Variants in TBC1D24 observed in about 807,000 individuals in gnomAD.
TBC1D24 encodes the protein TBC1 domain family member 24.
TBC1D24 carries 47 observed loss-of-function variants against 50.7 expected under a neutral mutation model. The ratio of observed to expected loss-of-function variants is 0.93; its 90% CI spans 0.73 to 1.18. The LOEUF is 1.18. TBC1D24 is among the 50% of genes most tolerant of loss of function. The pLI is 0.00. For synonymous variants in TBC1D24, 324 were observed against 335.2 expected (o/e 0.97, Z 0.36); for missense variants, 688 against 766.5 (o/e 0.90, Z 1.21).
Position 2,496,962 on chromosome 16 carries a change from T to C in TBC1D24, c.814T>C (p.Phe272Leu). Residue 272 changes from phenylalanine (F) to leucine (L), a missense_variant, in exon 2 of 8, where the codon TTC becomes CTC. Phe to Leu is a conservative substitution (Grantham distance 22). Coordinates refer to ENST00000646147, the MANE Select transcript of TBC1D24 (RefSeq NM_001199107.2). ...CAGCGTGAAGCAGGACATCCGCACG[T>C]TCGTCAGAGACATCGCGAAGACGGT... ...SDSVKQDIRTFVRDIAKTVSP... is the reference protein window; with the variant it reads ...SDSVKQDIRTLVRDIAKTVSP... 2 of 1,614,016 alleles carry C rather than the reference T, an allele frequency of 1.2e-6. No individual in the cohort carries two copies. Among genetic ancestry groups the C allele is most frequent in the Non-Finnish European group, 1.7e-6 (2 of 1,180,040 alleles).
intron 1 of TBC1D24, chr16:2,484,578 AG>A (rs1184062164): frequency 6.6e-6 from 1 of 152,240 alleles, no homozygotes; most frequent in Non-Finnish European, 1.5e-5. Context: ...TTTCTCTCTC[AG>A]CTCTTCCTAG....
intron 1 of TBC1D24, chr16:2,493,456 T>C (rs1347133137): frequency 6.6e-6 from 1 of 152,228 alleles, no homozygotes; most frequent in Non-Finnish European, 1.5e-5. Context: ...GTAAATTTTA[T>C]GCTATGTGTA....
chr16:2,488,319 G>A (rs2065667224), intron 1 of TBC1D24, among the ~76,000 whole-genome samples: 1 of 152,082 alleles, frequency 6.6e-6, no homozygotes, highest in Non-Finnish European at 1.5e-5. Context: ...GGGCTGTGGC[G>A]GGGTGGGGGT....
Position 2,501,002 on chromosome 16 carries a change from G to A in TBC1D24, c.*44G>A, listed in dbSNP as rs370263617. Reference sequence around the variant, plus strand: ...CTGAGCCGTGGTGGGGCGGTGGGCCGAGGCTGGGCTGCCGCCTCGGGCAGC... The same window carrying A: ...CTGAGCCGTGGTGGGGCGGTGGGCCAAGGCTGGGCTGCCGCCTCGGGCAGC... On this transcript the variant is annotated 3_prime_UTR_variant, in exon 8 of 8. Transcript: ENST00000646147. 7.8e-5 allele frequency: 125 copies of A among 1,602,114 alleles called. 1 individual carries two copies. Among genetic ancestry groups the A allele is most frequent in the South Asian group, 1.8e-4 (16 of 90,944 alleles).
At position 2,501,063 on chromosome 16, in the gene TBC1D24, T is replaced by A. The variant is rs1045978559; in HGVS notation, c.*105T>A. On this transcript the variant is annotated 3_prime_UTR_variant, in exon 8 of 8. Transcript: ENST00000646147. ...TGAAACCCCCATGTGGTAGGCAGGG[T>A]TGGGGGACGGCAGGACCCCATGGCC... 9 of 1,471,596 alleles carry A rather than the reference T, an allele frequency of 6.1e-6. No homozygotes were observed. In the Admixed American group the frequency reaches 1.6e-4, roughly 25 times the overall value. The allele number at this position is 1,471,596 out of a possible 1,614,324, so 91.2% of individuals were successfully genotyped here.
At chr16:2,477,129 G>A (rs2065575179) in intron 1 of TBC1D24, 1 of 152,254 alleles carries the variant, frequency 6.6e-6, no homozygotes, top group African/African-American at 2.4e-5. Context: ...ATGGAAGAAA[G>A]AAGTCCTTTT....
At chr16:2,497,170 G>C in intron 2 of TBC1D24, 57 bp downstream of exon 2, 1 of 1,595,630 alleles carries the variant, frequency 6.3e-7, no homozygotes, top group African/African-American at 1.3e-5. Flanking sequence ...GGGGCAGGAC[G>C]TGTCTGGCGT....
rs2065774701 is a variant in TBC1D24 at position 2,499,764 on chromosome 16, G to A, written c.1207-71G>A. 1.4e-5 allele frequency: 19 copies of A among 1,360,404 alleles called. No individual in the cohort carries two copies. The highest frequency in any genetic ancestry group is 6.9e-5 in the East Asian group (3 of 43,622). 84.3% of individuals were successfully genotyped at this position (1,360,404 alleles called of 1,614,324 possible). On this transcript the variant is annotated intron_variant, in intron 5 of 7. Transcript: ENST00000646147. The surrounding 1 kb of genome is among the most constrained non-coding windows in gnomAD (Gnocchi z 4.0). ...CCCACCTGTGACCTGGGACAGGCCCGTCAGTAGTCTGGAGCACAGGGACGC... is the reference window on the plus strand; with the variant it reads ...CCCACCTGTGACCTGGGACAGGCCCATCAGTAGTCTGGAGCACAGGGACGC...
intron 1 of TBC1D24, among the ~76,000 whole-genome samples, chr16:2,489,521 C>T (rs973533722): frequency 1.3e-5 from 2 of 152,184 alleles, no homozygotes. Flanking sequence ...CTTGAGCTCT[C>T]AAACAGGCGT....
chr16:2,484,053 A>G (rs1201046886), intron 1 of TBC1D24: 1 of 152,168 alleles, frequency 6.6e-6, no homozygotes, highest in African/African-American at 2.4e-5. Flanking sequence ...CTGTGCAGGC[A>G]TCTCCCACCC....
Position 2,500,285 on chromosome 16 carries a change from G to T in TBC1D24, c.1320G>T (p.Gln440His). The T allele has an allele frequency of 2.5e-6, 4 of 1,607,526 alleles. No individual in the cohort carries two copies. The highest frequency in any genetic ancestry group is 3.4e-6 in the Non-Finnish European group (4 of 1,177,836). Reference sequence around the variant, plus strand: ...CACCCCAGCTGCAGCCTGAGGTGCAGCGCTACGAGTGGGTGGTGATCAAGC... The same window carrying T: ...CACCCCAGCTGCAGCCTGAGGTGCATCGCTACGAGTGGGTGGTGATCAAGC... ...CFVFRLQPEV[Q>H]RYEWVVIKHP... is the part of the protein sequence containing the mutation. Residue 440 changes from glutamine (Q) to histidine (H), a missense_variant, in exon 7 of 8, where the codon CAG becomes CAT. Coordinates refer to ENST00000646147, the MANE Select transcript of TBC1D24 (RefSeq NM_001199107.2). The surrounding 1 kb of genome is among the most constrained non-coding windows in gnomAD (Gnocchi z 8.0).
Position 2,487,657 on chromosome 16 carries a change from C to T in TBC1D24, c.-115-8377C>T, listed in dbSNP as rs552270519. Among the ~76,000 whole-genome samples, 7 of 148,736 alleles carry T rather than the reference C, an allele frequency of 4.7e-5. No homozygotes were observed. Among genetic ancestry groups the T allele is most frequent in the African/African-American group, 1.0e-4 (4 of 39,566 alleles). On this transcript the variant is annotated intron_variant, in intron 1 of 7. Coordinates refer to ENST00000646147, the MANE Select transcript of TBC1D24 (RefSeq NM_001199107.2). This position sits in a 1 kb window ranked among gnomAD's most constrained non-coding sequence, Gnocchi z 4.1. ...TGGAGTTTGGTGTTGGAGTTTGGTG[C>T]TGGAGTTTGGTGCTGGAGTTTGGTG...
In TBC1D24 at chr16:2,500,348, C is replaced by T. The variant is rs552951046; in HGVS notation, c.1383C>T (p.Ala461=). 10 of 1,610,426 alleles carry T rather than the reference C, an allele frequency of 6.2e-6. No individual in the cohort carries two copies. Among genetic ancestry groups the T allele is most frequent in the South Asian group, 4.4e-5 (4 of 90,420 alleles). Residue 461 remains alanine (A), a synonymous_variant, in exon 7 of 8, where the codon GCC becomes GCT. Transcript: ENST00000646147. The surrounding 1 kb of genome is among the most constrained non-coding windows in gnomAD (Gnocchi z 8.0). ...CCAAGCCCCCACCCTTGATGGCTGC[C>T]GAGCCCACCGCCCCACTCAGCCACT... is the stretch of plus-strand genomic sequence containing the variant. ...ELTKPPPLMA[A]EPTAPLSHSA... is the part of the protein sequence containing the mutation.
chr16:2,490,465 A>T (rs2065686596), intron 1 of TBC1D24, among the ~76,000 whole-genome samples: 1 of 152,202 alleles, frequency 6.6e-6, no homozygotes, highest in African/African-American at 2.4e-5. Context: ...CCCAGAGGCC[A>T]CAGGAAGATG....
chr16:2,492,314 C>A (rs115461703), intron 1 of TBC1D24, among the ~76,000 whole-genome samples: 1 of 152,094 alleles, frequency 6.6e-6, no homozygotes, highest in Admixed American at 6.6e-5. Flanking sequence ...AGCACGTCGC[C>A]GGACCATTCG....
Position 2,499,884 on chromosome 16 carries a change from G to A in TBC1D24, c.1256G>A (p.Gly419Glu). 1 of 1,614,122 alleles carries A rather than the reference G, an allele frequency of 6.2e-7. No individual in the cohort carries two copies. The highest frequency in any genetic ancestry group is 8.5e-7 in the Non-Finnish European group (1 of 1,180,004). ...GACTGGAGTGAGAGAAATAAGTTTG[G>A]AGGCAAACTGGGCTTCTTTGGGACC... ...STDWSERNKF[G>E]GKLGFFGTGE... The change falls in exon 6 of 8, where the codon GGA (glycine) becomes GAA (glutamate). Residue 419 changes from glycine (G) to glutamate (E), a missense_variant. Coordinates refer to ENST00000646147, the MANE Select transcript of TBC1D24 (RefSeq NM_001199107.2). This position sits in a 1 kb window ranked among gnomAD's most constrained non-coding sequence, Gnocchi z 4.0.
At chr16:2,490,780 C>T (rs2065689184) in intron 1 of TBC1D24, among the ~76,000 whole-genome samples, 2 of 152,224 alleles carry the variant, frequency 1.3e-5, no homozygotes, top group African/African-American at 4.8e-5. Context: ...GTGGCCAGGC[C>T]TGTCTAACTG....
chr16:2,496,341 C>T lies in TBC1D24; in HGVS notation c.193C>T (p.Arg65Cys), dbSNP rs750421791. Residue 65 changes from arginine (R) to cysteine (C), a missense_variant, in exon 2 of 8, where the codon CGC becomes TGC. By Grantham distance (180) the Arg-to-Cys change is radical. Coordinates refer to ENST00000646147, the MANE Select transcript of TBC1D24 (RefSeq NM_001199107.2). The part of the protein sequence containing the change: ...YQRLIRDIPC[R>C]TVTPDASVYS... ...GCGCCTGATCCGGGACATTCCCTGC[C>T]GCACGGTCACGCCTGACGCCAGCGT... The T allele has an allele frequency of 9.9e-6, 16 of 1,613,444 alleles. No individual in the cohort carries two copies. In the East Asian group the frequency reaches 1.3e-4, roughly 13 times the overall value.
At position 2,501,914 on chromosome 16, in the gene TBC1D24, A is replaced by C. The variant is rs2065797394; in HGVS notation, c.*956A>C. ...TGTAGCCTCTGCAGCTGCCCATTTC[A>C]CCTCTTTGTCATTGCAATGACCTGG... On this transcript the variant is annotated 3_prime_UTR_variant, in exon 8 of 8. Coordinates refer to ENST00000646147, the MANE Select transcript of TBC1D24 (RefSeq NM_001199107.2). The C allele has an allele frequency of 6.6e-6, 1 of 151,510 alleles. No individual in the cohort carries two copies. The highest frequency in any genetic ancestry group is 1.5e-5 in the Non-Finnish European group (1 of 67,988). The allele number at this position is 151,510 out of a possible 1,614,324, so 9.4% of individuals were successfully genotyped here.
Sources: allele counts gnomAD v4.1 joint callset (sites outside exome capture counted in the v4.1 genomes callset), GRCh38; gene constraint gnomAD v4.1.1; non-coding constraint Gnocchi (gnomAD v3.1); transcripts MANE v1.5; gene names NCBI Gene and HGNC (gene_info 2026-07-23, HGNC 2026-07-21).